SPATA13: variants seen among roughly 807,000 people sequenced by gnomAD.
The protein encoded by SPATA13 is spermatogenesis associated 13, also known as spermatogenesis-associated protein 13.
In SPATA13, 50 loss-of-function variants were observed where a neutral mutation model predicts 104.0. That is an observed-to-expected ratio of 0.48 (90% CI 0.38 to 0.61). The LOEUF (loss-of-function observed/expected upper bound fraction) is 0.61, where lower values mean the gene tolerates loss of function less well. SPATA13 is among the 20% of genes least tolerant of loss of function. SPATA13 has a pLI of 0.00. For synonymous variants in SPATA13, 606 were observed against 667.5 expected (o/e 0.91, Z 1.42); for missense variants, 1,524 against 1,690.6 (o/e 0.90, Z 1.73).
chr13:24,255,983 G>T (rs1254898527), intron 4 of SPATA13, among the ~76,000 whole-genome samples: 1 of 152,166 alleles, frequency 6.6e-6, no homozygotes. Context: ...GTCCTTGTTT[G>T]TTATACACAG....
chr13:24,141,377 G>A (rs1028889238), intron 3 of SPATA13, among the ~76,000 whole-genome samples: 1 of 152,106 alleles, frequency 6.6e-6, no homozygotes, highest in Non-Finnish European at 1.5e-5. Context: ...AGGAATTCTA[G>A]TGAAGGTCAC....
At position 24,184,744 on chromosome 13, in the gene SPATA13, G is replaced by A. The variant is rs546829101; in HGVS notation, c.-112+23812G>A. ...AAGTGACTGGACCTAATATAAAATC[G>A]TGTCCACCATGGTATGACCTCTCTG... On this transcript the variant is annotated intron_variant, in intron 1 of 12. Coordinates refer to ENST00000382108, the MANE Select transcript of SPATA13 (RefSeq NM_001166271.3). Among the ~76,000 whole-genome samples the A allele has an allele frequency of 3.9e-5, 6 of 152,214 alleles. No individual in the cohort carries two copies. In the East Asian group the frequency reaches 5.8e-4, roughly 15 times the overall value.
chr13:24,287,728 A>G (rs936399128), intron 7 of SPATA13, among the ~76,000 whole-genome samples: 2 of 152,216 alleles, frequency 1.3e-5, no homozygotes, highest in Non-Finnish European at 2.9e-5. Context: ...ACTTGGCAAC[A>G]AATTTTATTT....
chr13:24,234,159 C>T lies in SPATA13; in HGVS notation c.1653+9577C>T, dbSNP rs192674348. Among the ~76,000 whole-genome samples the T allele has an allele frequency of 2.3e-4, 35 of 152,312 alleles. No homozygotes were observed. In the East Asian group the frequency reaches 4.6e-3, roughly 20 times the overall value. ...TACCACAGTAACCATTTGTAATCAA[C>T]TTGTCATGATGTACTGCATCTTATT... is the stretch of plus-strand genomic sequence containing the variant. On this transcript the variant is annotated intron_variant, in intron 2 of 12. Transcript: ENST00000382108.
At position 24,297,590 on chromosome 13, in the gene SPATA13, C is replaced by A; in HGVS notation, c.3438C>A (p.Asn1146Lys). The change falls in exon 11 of 13, where the codon AAC (asparagine) becomes AAA (lysine). Residue 1146 changes from asparagine (N) to lysine (K), a missense_variant. Transcript: ENST00000382108. ...DLGDGRDKDCNLSVKNAFKLV... is the reference protein window; with the variant it reads ...DLGDGRDKDCKLSVKNAFKLV... ...GGGATGGGCGCGACAAGGACTGCAA[C>A]CTCAGCGTGAAAAATGCCTTCAAGC... 6.2e-7 allele frequency: 1 copy of A among 1,614,184 alleles called. No homozygotes were observed. Among genetic ancestry groups the A allele is most frequent in the African/African-American group, 1.3e-5 (1 of 75,020 alleles).
intron 4 of SPATA13, among the ~76,000 whole-genome samples, chr13:24,272,140 C>G (rs1387173572): frequency 6.6e-6 from 1 of 152,212 alleles, no homozygotes; most frequent in South Asian, 2.1e-4. Flanking sequence ...GGGGCGTGTT[C>G]ATTCCCACCG....
Position 24,286,213 on chromosome 13 carries a change from G to A in SPATA13, c.2302-1G>A. 1.2e-6 allele frequency: 2 copies of A among 1,609,614 alleles called. No homozygotes were observed. ...GAGCGCACCCCACTGTCTCCTTTCA[G>A]CTGATCAGTGATGGCAACGTGGTCT... On this transcript the variant is annotated splice_acceptor_variant, in intron 5 of 12. Coordinates refer to ENST00000382108, the MANE Select transcript of SPATA13 (RefSeq NM_001166271.3). LOFTEE classifies it high-confidence loss of function. The surrounding 1 kb of genome is among the most constrained non-coding windows in gnomAD (Gnocchi z 4.9).
intron 2 of SPATA13, among the ~76,000 whole-genome samples, chr13:24,229,837 G>A (rs2138624122): frequency 6.6e-6 from 1 of 152,342 alleles, no homozygotes; most frequent in Non-Finnish European, 1.5e-5. Context: ...TAGGGAATGT[G>A]GTGATGCCAA....
At chr13:24,003,865 A>G (rs1451220912) in intron 2 of SPATA13, among the ~76,000 whole-genome samples, 8 of 152,226 alleles carry the variant, frequency 5.3e-5, no homozygotes, top group African/African-American at 1.7e-4. Context: ...AAAAAACACA[A>G]TATACATCAG....
intron 3 of SPATA13, among the ~76,000 whole-genome samples, chr13:24,047,340 C>T (rs1878187241): frequency 6.6e-6 from 1 of 152,220 alleles, no homozygotes; most frequent in Non-Finnish European, 1.5e-5. Context: ...AGAACAGTGG[C>T]TGGTTATCAT....
chr13:23,981,011 C>T (rs1488484536), intron 1 of SPATA13, among the ~76,000 whole-genome samples: 2 of 152,120 alleles, frequency 1.3e-5, no homozygotes, highest in African/African-American at 2.4e-5. Context: ...ATCCACGAAA[C>T]GAATTGTTCC....
chr13:24,221,523 G>C (rs1428677415), intron 1 of SPATA13, among the ~76,000 whole-genome samples: 1 of 152,142 alleles, frequency 6.6e-6, no homozygotes, highest in Non-Finnish European at 1.5e-5. Context: ...CATGGACCCA[G>C]GTGTGGGGTT....
intron 11 of SPATA13, 144 bp from the exon 12 acceptor site, chr13:24,300,257 A>G: frequency 1.6e-6 from 1 of 618,416 alleles, no homozygotes; most frequent in East Asian, 2.9e-5. Context: ...CTGATCTTCA[A>G]CCTGTCCACG....
intron 3 of SPATA13, among the ~76,000 whole-genome samples, chr13:24,036,715 T>G (rs1359948940): frequency 6.6e-6 from 1 of 152,172 alleles, no homozygotes; most frequent in Non-Finnish European, 1.5e-5. Context: ...AAGGCTGCTC[T>G]CACCTTACTA....
At chr13:24,238,165 C>CTTGCTCTATCTCCCAGACTT in intron 2 of SPATA13, among the ~76,000 whole-genome samples, 1 of 119,348 alleles carries the variant, frequency 8.4e-6, no homozygotes, top group East Asian at 2.5e-4. Context: ...GAGACAGACT[C>CTTGCTCTATCTCCCAGACTT]TTGCTCTATC....
chr13:24,115,656 G>T (rs926101146), intron 3 of SPATA13, among the ~76,000 whole-genome samples: 1 of 152,212 alleles, frequency 6.6e-6, no homozygotes, highest in African/African-American at 2.4e-5. Flanking sequence ...GTTTACAACC[G>T]CAATGAACAT....
rs368871533 is a variant in SPATA13, at chr13:24,291,882, GAGT to G, written c.3080+1001_3080+1003del. Among the ~76,000 whole-genome samples the G allele has an allele frequency of 7.6e-3, 1,142 of 150,518 alleles. 13 individuals are homozygous for G. Among genetic ancestry groups the G allele is most frequent in the African/African-American group, 0.027 (1,089 of 40,962 alleles). On this transcript the variant is annotated intron_variant, in intron 9 of 12. Transcript: ENST00000382108. The stretch of plus-strand genomic sequence containing the variant: ...CGCCATTCTCCTGCCTCAGCCTCCC[GAGT>G]AGCTGGGACTACAGGCGCCCGCCAC...
chr13:24,090,096 C>T (rs1414839294), intron 3 of SPATA13, among the ~76,000 whole-genome samples: 2 of 152,182 alleles, frequency 1.3e-5, no homozygotes, highest in African/African-American at 4.8e-5. Flanking sequence ...AAGCTTCAGA[C>T]TATAGCACTG....
chr13:24,006,878 C>T (rs1023503287), intron 2 of SPATA13, among the ~76,000 whole-genome samples: 1 of 152,224 alleles, frequency 6.6e-6, no homozygotes, highest in Non-Finnish European at 1.5e-5. Context: ...AGGATGCCCC[C>T]GCTCGGCAAT....
Sources: gnomAD v4.1 joint callset for allele counts (sites outside exome capture counted in the v4.1 genomes callset) on GRCh38, gnomAD v4.1.1 for gene constraint, Gnocchi (gnomAD v3.1) non-coding constraint, MANE v1.5 for transcripts, NCBI Gene and HGNC (gene_info 2026-07-23, HGNC 2026-07-21) for gene names.